WWOX: variants seen among roughly 807,000 people sequenced by gnomAD.
WWOX encodes WW domain containing oxidoreductase.
Under a neutral mutation model 46.2 loss-of-function variants are expected in WWOX, and 69 were observed. The observed-to-expected ratio is 1.49, with a 90% CI of 1.23 to 1.82. The LOEUF is 1.82. WWOX is among the 40% of genes most tolerant of loss of function. The probability of loss-of-function intolerance (pLI) is 0.00; values close to 1 mark genes in which losing one functional copy is unlikely to be tolerated. For synonymous variants in WWOX, 359 were observed against 202.6 expected (o/e 1.77, Z -6.56); for missense variants, 919 against 542.6 (o/e 1.69, Z -6.89).
At chr16:78,249,681 A>C in intron 5 of WWOX, among the ~76,000 whole-genome samples, 1 of 152,220 alleles carries the variant, frequency 6.6e-6, no homozygotes, top group East Asian at 1.9e-4. Context: ...GTATAAACTT[A>C]GGTGGACCAA....
intron 8 of WWOX, among the ~76,000 whole-genome samples, chr16:79,084,096 G>C (rs537120452): frequency 2.0e-5 from 3 of 152,158 alleles, no homozygotes; most frequent in African/African-American, 7.2e-5. Context: ...GAGAGTGGCT[G>C]AGAAACCAGG....
At chr16:79,161,572 G>C (rs1386791323) in intron 8 of WWOX, among the ~76,000 whole-genome samples, 2 of 152,070 alleles carry the variant, frequency 1.3e-5, no homozygotes, top group African/African-American at 4.8e-5. Flanking sequence ...GCCCAGGCTG[G>C]AGTGCAGTGG....
chr16:79,096,391 C>T (rs1359871508), intron 8 of WWOX, among the ~76,000 whole-genome samples: 2 of 152,108 alleles, frequency 1.3e-5, no homozygotes, highest in Admixed American at 6.5e-5. Flanking sequence ...CTCTGTTCTT[C>T]CTGCCAGTGC....
intron 8 of WWOX, among the ~76,000 whole-genome samples, chr16:79,047,676 T>C (rs1285007504): frequency 3.0e-5 from 4 of 133,852 alleles, no homozygotes; most frequent in African/African-American, 1.3e-4. Flanking sequence ...GTCCTGATTT[T>C]TTTTTTTTTT....
intron 8 of WWOX, among the ~76,000 whole-genome samples, chr16:78,437,012 C>A (rs547921897): frequency 6.6e-6 from 1 of 152,320 alleles, no homozygotes; most frequent in Admixed American, 6.5e-5. Context: ...TCCCTATCAC[C>A]AGATGGCTAG....
chr16:78,435,184 G>GA (rs2083306435), intron 8 of WWOX, among the ~76,000 whole-genome samples: 1 of 152,104 alleles, frequency 6.6e-6, no homozygotes, highest in African/African-American at 2.4e-5. Context: ...AATGGAGGCA[G>GA]AGGGACTACC....
chr16:78,650,678 T>C (rs1287665970), intron 8 of WWOX, among the ~76,000 whole-genome samples: 2 of 152,238 alleles, frequency 1.3e-5, no homozygotes, highest in Non-Finnish European at 1.5e-5. Context: ...TTAATACTTT[T>C]AAATCAGAGG....
At chr16:78,459,470 C>G (rs977132622) in intron 8 of WWOX, among the ~76,000 whole-genome samples, 1 of 152,212 alleles carries the variant, frequency 6.6e-6, no homozygotes, top group African/African-American at 2.4e-5. Context: ...CCTTTTCTAA[C>G]TATCAAGGTC....
chr16:78,523,738 A>G (rs918807389), intron 8 of WWOX, among the ~76,000 whole-genome samples: 1 of 152,206 alleles, frequency 6.6e-6, no homozygotes, highest in African/African-American at 2.4e-5. Context: ...GTTTTCCCGC[A>G]TACATGATGT....
intron 8 of WWOX, among the ~76,000 whole-genome samples, chr16:78,994,016 C>T (rs1304468211): frequency 6.6e-6 from 1 of 152,174 alleles, no homozygotes; most frequent in Non-Finnish European, 1.5e-5. Flanking sequence ...GACGAGGGTA[C>T]CCTGGACCCC....
intron 8 of WWOX, among the ~76,000 whole-genome samples, chr16:78,871,402 G>A (rs931879375): frequency 1.3e-5 from 2 of 152,152 alleles, no homozygotes; most frequent in Admixed American, 6.5e-5. Flanking sequence ...AAGCACCAGG[G>A]TGATAACTGA....
Position 78,799,795 on chromosome 16 carries a change from C to G in WWOX, c.1056+367043C>G, listed in dbSNP as rs915213578. On this transcript the variant is annotated intron_variant, in intron 8 of 8. Coordinates refer to ENST00000566780, the MANE Select transcript of WWOX (RefSeq NM_016373.4). ...TGGGAGAACAAATTTATTTAGATAT[C>G]TTTGGCTGTGTTGACAGAAGCTGCC... 2.0e-5 allele frequency among the ~76,000 whole-genome samples: 3 copies of G among 152,296 alleles called. No individual in the cohort carries two copies. In the East Asian group the frequency reaches 5.8e-4, roughly 29 times the overall value.
chr16:79,163,352 A>AT (rs2050524703), intron 8 of WWOX, among the ~76,000 whole-genome samples: 1 of 152,238 alleles, frequency 6.6e-6, no homozygotes, highest in African/African-American at 2.4e-5. Flanking sequence ...GAGGAAGCCC[A>AT]TTAGTCTCCC....
intron 8 of WWOX, among the ~76,000 whole-genome samples, chr16:78,433,027 T>G (rs762026498): frequency 5.4e-4 from 82 of 152,164 alleles, no homozygotes; most frequent in Non-Finnish European, 9.1e-4. Context: ...TTTTTGTTTG[T>G]TTGGTTTTGT....
chr16:79,094,491 G>T (rs927085901), intron 8 of WWOX, among the ~76,000 whole-genome samples: 2 of 152,068 alleles, frequency 1.3e-5, no homozygotes, highest in Admixed American at 6.5e-5. Flanking sequence ...ACCTCAGGCA[G>T]TCTGCCCACC....
intron 3 of WWOX, 114 bp downstream of exon 3, chr16:78,109,949 CT>C: frequency 1.8e-6 from 2 of 1,138,694 alleles, no homozygotes; most frequent in East Asian, 5.1e-5. Context: ...CAGTGTGTAT[CT>C]GTAATCTTAG....
chr16:78,328,300 T>A (rs2080675986), intron 5 of WWOX, among the ~76,000 whole-genome samples: 2 of 152,336 alleles, frequency 1.3e-5, no homozygotes, highest in South Asian at 4.1e-4. Flanking sequence ...TCATTTTTCT[T>A]GTCATGTGAT....
chr16:78,559,665 ATTTTC>A (rs1251671955), intron 8 of WWOX, among the ~76,000 whole-genome samples: 7 of 151,804 alleles, frequency 4.6e-5, no homozygotes, highest in African/African-American at 1.7e-4. Context: ...TTCCGGGAGG[ATTTTC>A]TTTTCTTTTT....
chr16:79,125,090 C>G (rs551503636), intron 8 of WWOX, among the ~76,000 whole-genome samples: 1 of 150,460 alleles, frequency 6.6e-6, no homozygotes, highest in African/African-American at 2.5e-5. Flanking sequence ...AAACTATATG[C>G]AGATCCTGCT....
Sources: allele counts gnomAD v4.1 joint callset (sites outside exome capture counted in the v4.1 genomes callset), GRCh38; gene constraint gnomAD v4.1.1; transcripts MANE v1.5; gene names NCBI Gene and HGNC (gene_info 2026-07-23, HGNC 2026-07-21).